Variants in MERTK observed in about 807,000 individuals in gnomAD.
MERTK encodes tyrosine-protein kinase Mer.
Under a neutral mutation model 99.3 loss-of-function variants are expected in MERTK, and 69 were observed. That is an observed-to-expected ratio of 0.70 (90% CI 0.57 to 0.85). The LOEUF (loss-of-function observed/expected upper bound fraction) is 0.85, where lower values mean the gene tolerates loss of function less well. Ranked by LOEUF, MERTK falls within the 40% of genes least tolerant of loss-of-function variation. The probability of loss-of-function intolerance (pLI) is 0.00; values close to 1 mark genes in which losing one functional copy is unlikely to be tolerated. For synonymous variants in MERTK, 426 were observed against 467.6 expected (o/e 0.91, Z 1.15); for missense variants, 1,125 against 1,249.4 (o/e 0.90, Z 1.50).
At position 111,947,460 on chromosome 2, in the gene MERTK, C is replaced by T. The variant is rs761037509; in HGVS notation, c.650C>T (p.Thr217Ile). 7 of 1,614,168 alleles carry T rather than the reference C, an allele frequency of 4.3e-6. No individual in the cohort carries two copies. Among genetic ancestry groups the T allele is most frequent in the East Asian group, 2.2e-5 (1 of 44,870 alleles). The change falls in exon 4 of 19, where the codon ACC becomes ATC. Residue 217 changes from threonine to isoleucine, a missense_variant. Transcript: ENST00000295408. ...ACCAGAAACACAGCCTTCAACCTCA[C>T]CTGTCAGGCTGTGGGCCCGCCTGAG... ...NVTRNTAFNL[T>I]CQAVGPPEPV...
At chr2:111,986,225 G>C (rs924484444) in intron 8 of MERTK, among the ~76,000 whole-genome samples, 8 of 152,208 alleles carry the variant, frequency 5.3e-5, no homozygotes, top group Middle Eastern at 3.2e-3. Context: ...ACAGCTGCGA[G>C]AGAAGCAGCC....
intron 1 of MERTK, among the ~76,000 whole-genome samples, chr2:111,910,610 G>GTGTGTGTGTGTGTGTATATA (rs370882764): frequency 7.0e-6 from 1 of 143,588 alleles, no homozygotes; most frequent in African/African-American, 2.6e-5. Flanking sequence ...GTGTGTGTGT[G>GTGTGTGTGTGTGTGTATATA]TATATATATA....
intron 1 of MERTK, among the ~76,000 whole-genome samples, chr2:111,911,450 G>T (rs540669348): frequency 6.6e-6 from 1 of 151,700 alleles, no homozygotes; most frequent in African/African-American, 2.4e-5. Context: ...GTGCAATGGC[G>T]CTATCTCAGC....
At chr2:111,980,412 C>CTTT (rs34831521) in intron 7 of MERTK, among the ~76,000 whole-genome samples, 262 of 100,946 alleles carry the variant, frequency 2.6e-3, no homozygotes, top group Non-Finnish European at 3.3e-3. Flanking sequence ...GCAACTATTT[C>CTTT]TTTTTTTTTT....
chr2:111,921,856 G>A (rs1280067837), intron 1 of MERTK, among the ~76,000 whole-genome samples: 2 of 152,052 alleles, frequency 1.3e-5, no homozygotes, highest in Non-Finnish European at 2.9e-5. Context: ...GCCTCCCAAA[G>A]TGCTGGGAGC....
At chr2:111,945,154 G>A in intron 3 of MERTK, 94 bp downstream of exon 3, 1 of 999,022 alleles carries the variant, frequency 1.0e-6, no homozygotes, top group Non-Finnish European at 1.5e-6. Context: ...AGTTTTGCCT[G>A]CCTATTTATA....
intron 15 of MERTK, among the ~76,000 whole-genome samples, chr2:112,011,857 CAGA>C (rs1459903456): frequency 6.6e-6 from 1 of 152,204 alleles, no homozygotes; most frequent in East Asian, 1.9e-4. Context: ...GGGAACATGA[CAGA>C]TGTGGTTCCT....
chr2:111,928,216 C>CTT lies in MERTK; in HGVS notation c.62-878_62-877dup, dbSNP rs34872417. Among the ~76,000 whole-genome samples, 45 of 84,866 alleles carry CTT rather than the reference C, an allele frequency of 5.3e-4. 2 individuals carry two copies. Among genetic ancestry groups the CTT allele is most frequent in the East Asian group, 2.6e-3 (8 of 3,112 alleles). 55.7% of individuals were successfully genotyped at this position (84,866 alleles called of 152,430 possible). On this transcript the variant is annotated intron_variant, in intron 1 of 18. Coordinates refer to ENST00000295408, the MANE Select transcript of MERTK (RefSeq NM_006343.3). ...CTCATCTCTTTGTGGCCATGAGCAG[C>CTT]TTTTTTTTTTTTTTTTTTTTTTTTT...
intron 9 of MERTK, chr2:111,996,963 G>T (rs937670604): frequency 3.3e-6 from 1 of 303,236 alleles, no homozygotes; most frequent in African/African-American, 2.2e-5. Flanking sequence ...TACAGTAGAA[G>T]TAAATATTAG....
intron 18 of MERTK, among the ~76,000 whole-genome samples, chr2:112,024,401 G>A (rs1036337166): frequency 6.6e-6 from 1 of 152,234 alleles, no homozygotes; most frequent in African/African-American, 2.4e-5. Flanking sequence ...GGACAAAGCA[G>A]CAGAGTCAGC....
At position 111,929,413 on chromosome 2, in the gene MERTK, G is replaced by T. The variant is rs139327260; in HGVS notation, c.355G>T (p.Val119Leu). 1 of 1,613,916 alleles carries T rather than the reference G, an allele frequency of 6.2e-7. No individual in the cohort carries two copies. Among genetic ancestry groups the T allele is most frequent in the African/African-American group, 1.3e-5 (1 of 74,862 alleles). The change falls in exon 2 of 19, where the codon GTA (valine) becomes TTA (leucine). Residue 119 changes from valine to leucine, a missense_variant. Val to Leu is a conservative substitution (Grantham distance 32, BLOSUM62 1). Coordinates refer to ENST00000295408, the MANE Select transcript of MERTK (RefSeq NM_006343.3). The part of the protein sequence containing the change: ...KGVKFNCSIS[V>L]PNIYQDTTIS... ...TGTCAAATTTAATTGCTCAATCAGT[G>T]TACCTAATATATACCAGGACACCAC... is the stretch of plus-strand genomic sequence containing the variant.
chr2:112,003,382 T>G, intron 12 of MERTK, 195 bp downstream of exon 12: 1 of 489,436 alleles, frequency 2.0e-6, no homozygotes, highest in Non-Finnish European at 3.6e-6. Flanking sequence ...AAAGATTCTC[T>G]TCAATGCCTA....
intron 2 of MERTK, among the ~76,000 whole-genome samples, chr2:111,937,688 A>C: frequency 6.6e-6 from 1 of 152,072 alleles, no homozygotes; most frequent in Admixed American, 6.6e-5. Context: ...TAGAAAATAA[A>C]AATCTAATTT....
intron 17 of MERTK, among the ~76,000 whole-genome samples, chr2:112,022,047 A>G (rs1029517556): frequency 1.3e-5 from 2 of 152,210 alleles, no homozygotes; most frequent in Non-Finnish European, 2.9e-5. Flanking sequence ...TGCCTTTGCC[A>G]GATTTCCCAG....
Position 112,010,011 on chromosome 2 carries a change from A to G in MERTK, c.2024A>G (p.Lys675Arg), listed in dbSNP as rs1558806052. The G allele has an allele frequency of 6.2e-7, 1 of 1,614,010 alleles. No homozygotes were observed. Among genetic ancestry groups the G allele is most frequent in the Non-Finnish European group, 8.5e-7 (1 of 1,179,896 alleles). ...PKPMVILPFMKYGDLHTYLLY... is the reference protein window; with the variant it reads ...PKPMVILPFMRYGDLHTYLLY... The stretch of plus-strand genomic sequence containing the variant: ...CCCATGGTAATTTTACCCTTCATGA[A>G]ATACGGGGACCTGCATACTTACTTA... Residue 675 changes from lysine to arginine, a missense_variant, in exon 15 of 19, where the codon AAA becomes AGA. Lys to Arg is a conservative substitution (Grantham distance 26). Transcript: ENST00000295408.
At chr2:111,908,095 C>T (rs1404803692) in intron 1 of MERTK, among the ~76,000 whole-genome samples, 2 of 152,170 alleles carry the variant, frequency 1.3e-5, no homozygotes, top group African/African-American at 2.4e-5. Flanking sequence ...GGGTATGTAT[C>T]AGAACCTGGC....
chr2:111,960,480 C>CAA (rs61179378), intron 4 of MERTK, among the ~76,000 whole-genome samples: 58 of 75,790 alleles, frequency 7.7e-4, no homozygotes, highest in South Asian at 1.4e-3. Context: ...GTCTCAGTCT[C>CAA]AAAAAAAAAA....
At chr2:111,998,873 T>TGTA (rs1381065137) in intron 10 of MERTK, among the ~76,000 whole-genome samples, 1 of 152,236 alleles carries the variant, frequency 6.6e-6, no homozygotes, top group Non-Finnish European at 1.5e-5. Context: ...AACAGGTTAT[T>TGTA]GTTATCTATG....
At chr2:112,027,548 C>T (rs552345914) in intron 18 of MERTK, among the ~76,000 whole-genome samples, 1 of 152,174 alleles carries the variant, frequency 6.6e-6, no homozygotes, top group South Asian at 2.1e-4. Context: ...AAAAACCACC[C>T]AGAAGAGAGT....
Sources: gnomAD v4.1 joint callset for allele counts (sites outside exome capture counted in the v4.1 genomes callset) on GRCh38, gnomAD v4.1.1 for gene constraint, MANE v1.5 for transcripts, NCBI Gene and HGNC (gene_info 2026-07-23, HGNC 2026-07-21) for gene names.